Variants in TLE6 observed in about 807,000 individuals in gnomAD.
TLE6 encodes the protein transducin-like enhancer protein 6.
TLE6 carries 72 observed loss-of-function variants against 77.1 expected under a neutral mutation model. The ratio of observed to expected loss-of-function variants is 0.93; its 90% CI spans 0.77 to 1.14. The LOEUF is 1.14. Among genes scored for constraint, TLE6 ranks in the 50% most tolerant of loss-of-function variants. The pLI is 0.00. For synonymous variants in TLE6, 366 were observed against 287.3 expected (o/e 1.27, Z -2.77); for missense variants, 843 against 747.6 (o/e 1.13, Z -1.49).
chr19:2,992,043 A>G, intron 14 of TLE6, 59 bp downstream of exon 14: 1 of 1,594,402 alleles, frequency 6.3e-7, no homozygotes, highest in Non-Finnish European at 8.6e-7. Flanking sequence ...CAGATTAAAA[A>G]ATGAGGTTGA....
At chr19:2,984,054 ACC>A (rs2088854598) in intron 5 of TLE6, 1 of 151,968 alleles carries the variant, frequency 6.6e-6, no homozygotes, top group South Asian at 2.1e-4. Context: ...CGCTTCCCCC[ACC>A]CGCTGCTTCC....
chr19:2,986,867 A>G lies in TLE6; in HGVS notation c.261A>G (p.Gln87=). 3 of 1,551,592 alleles carry G rather than the reference A, an allele frequency of 1.9e-6. No individual in the cohort carries two copies. The highest frequency in any genetic ancestry group is 1.2e-5 in the South Asian group (1 of 84,070). The change falls in exon 6 of 17, where the codon CAA becomes CAG. Residue 87 remains glutamine, a synonymous_variant. Coordinates refer to ENST00000246112, the MANE Select transcript of TLE6 (RefSeq NM_001143986.2). ...NVLQIVESCS[Q]LQGFQSEEVS... ...TACAGATTGTGGAGAGCTGCAGCCA[A>G]CTCCAGGGTTTCCAGTCTGAGGAGG...
At position 2,984,761 on chromosome 19, in the gene TLE6, C is replaced by T. The variant is rs574213023; in HGVS notation, c.223-2068C>T. Among the ~76,000 whole-genome samples the T allele has an allele frequency of 3.9e-5, 6 of 152,238 alleles. No homozygotes were observed. In the East Asian group the frequency reaches 9.7e-4, roughly 25 times the overall value. On this transcript the variant is annotated intron_variant, in intron 5 of 16. Coordinates refer to ENST00000246112, the MANE Select transcript of TLE6 (RefSeq NM_001143986.2). ...GGGATTACCGGTGTGAGCCATCGCA[C>T]CTGGCCAATTTCTTTATACTTTGAA...
chr19:2,987,223 A>G lies in TLE6; in HGVS notation c.526A>G (p.Lys176Glu). ...IFAGVHDEKA[K>E]PRDRQQAPGL... ...TGCCGGCGTCCACGATGAGAAGGCA[A>G]AGCCCAGAGACAGACGTGAGTGTCC... The change falls in exon 7 of 17, where the codon AAG (lysine) becomes GAG (glutamate). Residue 176 changes from lysine to glutamate, a missense_variant. By Grantham distance (56) the Lys-to-Glu change is moderately conservative. Transcript: ENST00000246112. 6.2e-7 allele frequency: 1 copy of G among 1,614,112 alleles called. No individual in the cohort carries two copies. The highest frequency in any genetic ancestry group is 1.1e-5 in the South Asian group (1 of 91,082).
rs529509949 is a variant in TLE6, at chr19:2,978,473, G to A, written c.51+189G>A. Among the ~76,000 whole-genome samples the A allele has an allele frequency of 4.6e-5, 7 of 152,250 alleles. 1 individual carries two copies. The South Asian group carries it at 1.5e-3, about 32-fold the overall frequency. ...TTTAAAAAAAATTAAGTGTAGGCTG[G>A]ACACTGTGGCTCACAACTGTAATCT... On this transcript the variant is annotated intron_variant, in intron 2 of 16. Transcript: ENST00000246112.
chr19:2,988,675 G>A (rs926464258), intron 11 of TLE6, among the ~76,000 whole-genome samples: 3 of 152,130 alleles, frequency 2.0e-5, no homozygotes, highest in African/African-American at 7.2e-5. Flanking sequence ...ACTTTTTCAT[G>A]GAAGGGGATG....
At chr19:2,993,841 G>C (rs912572836) in intron 15 of TLE6, among the ~76,000 whole-genome samples, 178 bp from the exon 16 acceptor site, 1 of 147,830 alleles carries the variant, frequency 6.8e-6, no homozygotes, top group Non-Finnish European at 1.5e-5. Context: ...CCATGAGCCC[G>C]GGGAGGCTGA....
At chr19:2,994,186 T>A in intron 16 of TLE6, 91 bp downstream of exon 16, 3 of 1,115,304 alleles carry the variant, frequency 2.7e-6, no homozygotes, top group Non-Finnish European at 3.8e-6. Flanking sequence ...ACAAAAAACT[T>A]AAAAAGTAGC....
In TLE6 at chr19:2,994,054, C is replaced by T. The variant is rs1004620671; in HGVS notation, c.1573C>T (p.Leu525Phe). The part of the protein sequence containing the change: ...WWASVGMDDF[L>F]GVYSMPAGTK... ...GGCAAGCGTTGGAATGGACGACTTCCTTGGCGTCTACAGCATGCCGGCGGG... is the reference window on the plus strand; with the variant it reads ...GGCAAGCGTTGGAATGGACGACTTCTTTGGCGTCTACAGCATGCCGGCGGG... Residue 525 changes from leucine to phenylalanine, a missense_variant, in exon 16 of 17, where the codon CTT becomes TTT. By Grantham distance (22) the Leu-to-Phe change is conservative. Coordinates refer to ENST00000246112, the MANE Select transcript of TLE6 (RefSeq NM_001143986.2). 8.7e-6 allele frequency: 14 copies of T among 1,608,600 alleles called. No individual in the cohort carries two copies. The African/African-American group carries it at 1.6e-4, about 18-fold the overall frequency.
intron 12 of TLE6, 91 bp downstream of exon 12, chr19:2,989,404 G>C: frequency 6.3e-7 from 1 of 1,582,062 alleles, no homozygotes; most frequent in Non-Finnish European, 8.6e-7. Context: ...CGTGGAGAGA[G>C]GGCTTCCAGG....
chr19:2,994,949 G>T lies in TLE6; in HGVS notation c.1664G>T (p.Arg555Leu). 6.2e-7 allele frequency: 1 copy of T among 1,608,758 alleles called. No homozygotes were observed. The highest frequency in any genetic ancestry group is 8.5e-7 in the Non-Finnish European group (1 of 1,177,982). The change falls in exon 17 of 17, where the codon CGC becomes CTC. Residue 555 changes from arginine (R) to leucine (L), a missense_variant. Transcript: ENST00000246112. ...VTCCDVSSNNRLVVTGSGEHA... is the reference protein window; with the variant it reads ...VTCCDVSSNNLLVVTGSGEHA... ...TGCTGTGACGTCTCTTCCAACAACCGCCTCGTTGTCACAGGCTCCGGGGAG... is the reference window on the plus strand; with the variant it reads ...TGCTGTGACGTCTCTTCCAACAACCTCCTCGTTGTCACAGGCTCCGGGGAG...
At position 2,989,153 on chromosome 19, in the gene TLE6, A is replaced by G. The variant is rs150862919; in HGVS notation, c.833A>G (p.Glu278Gly). ...SKRLAVPCKL[E>G]KMRILAHGEL... ...AGACTCGCCGTCCCGTGCAAACTGG[A>G]AAAGATGCGGATCTTGGCACACGGG... The change falls in exon 12 of 17, where the codon GAA becomes GGA. Residue 278 changes from glutamate (E) to glycine (G), a missense_variant. Coordinates refer to ENST00000246112, the MANE Select transcript of TLE6 (RefSeq NM_001143986.2). 5.4e-5 allele frequency: 87 copies of G among 1,614,046 alleles called. No homozygotes were observed. Among genetic ancestry groups the G allele is most frequent in the Non-Finnish European group, 6.8e-5 (80 of 1,180,058 alleles).
rs1390889916 is a variant in TLE6 at position 2,989,483 on chromosome 19, C to T, written c.994-52C>T. ...TTCGCTCTCATGAGGCAAAGCAGTCCAGGCAGAATGCCACGGGGGGCGACA... is the reference window on the plus strand; with the variant it reads ...TTCGCTCTCATGAGGCAAAGCAGTCTAGGCAGAATGCCACGGGGGGCGACA... On this transcript the variant is annotated intron_variant, in intron 12 of 16. Transcript: ENST00000246112. The T allele has an allele frequency of 3.8e-6, 6 of 1,584,328 alleles. No homozygotes were observed. In the African/African-American group the frequency reaches 5.4e-5, roughly 14 times the overall value.
intron 13 of TLE6, among the ~76,000 whole-genome samples, chr19:2,991,064 AT>A: frequency 6.6e-6 from 1 of 150,952 alleles, no homozygotes; most frequent in Non-Finnish European, 1.5e-5. Context: ...ACACACACAT[AT>A]TAAATATATG....
At chr19:2,980,779 A>G (rs1253806274) in intron 3 of TLE6, among the ~76,000 whole-genome samples, 2 of 139,216 alleles carry the variant, frequency 1.4e-5, no homozygotes, top group African/African-American at 5.4e-5. Context: ...GGCTGGGTGC[A>G]GTGGCTTGCA....
chr19:2,981,051 A>C (rs79660513), intron 3 of TLE6, among the ~76,000 whole-genome samples: 105 of 150,524 alleles, frequency 7.0e-4, no homozygotes, highest in African/African-American at 2.3e-3. Context: ...ATTCTGTTTA[A>C]AAAAAAAAAA....
intron 2 of TLE6, 136 bp from the exon 3 acceptor site, chr19:2,979,964 C>CA (rs58993753): frequency 0.047 from 16,975 of 363,584 alleles, 54 homozygotes; most frequent in African/African-American, 0.059. Context: ...ACTCGGTTTC[C>CA]AAAAAAAAAA....
At chr19:2,993,948 G>GGGA in intron 15 of TLE6, 71 bp from the exon 16 acceptor site, 1 of 958,166 alleles carries the variant, frequency 1.0e-6, no homozygotes, top group Non-Finnish European at 1.6e-6. Flanking sequence ...AAAAAGGTGG[G>GGGA]TGGGGAGGAT....
rs201023348 is a variant in TLE6, at chr19:2,993,464, C to T, written c.1419C>T (p.Asp473=). The T allele has an allele frequency of 7.2e-5, 116 of 1,603,682 alleles. No homozygotes were observed. Among genetic ancestry groups the T allele is most frequent in the Non-Finnish European group, 9.4e-5 (110 of 1,172,342 alleles). The stretch of plus-strand genomic sequence containing the variant: ...GCCTGTCCCACAGCCCCCAGGAGGA[C>T]TGGGTGCTGCTGGGCATGGCCAATG... ...IMSLSHSPQE[D]WVLLGMANGQ... The change falls in exon 15 of 17, where the codon GAC becomes GAT. Residue 473 remains aspartate (D), a synonymous_variant. Coordinates refer to ENST00000246112, the MANE Select transcript of TLE6 (RefSeq NM_001143986.2).
Sources: allele counts gnomAD v4.1 joint callset (sites outside exome capture counted in the v4.1 genomes callset), GRCh38; gene constraint gnomAD v4.1.1; transcripts MANE v1.5; gene names NCBI Gene and HGNC (gene_info 2026-07-23, HGNC 2026-07-21).